The following HOXA1 variants were observed in gnomAD, a reference collection of about 807,000 sequenced individuals.
HOXA1 encodes the protein homeobox protein Hox-A1.
HOXA1 carries 21 observed loss-of-function variants against 28.3 expected under a neutral mutation model. The observed-to-expected ratio is 0.74, with a 90% CI of 0.53 to 1.07. HOXA1 has a LOEUF of 1.07. HOXA1 is among the 50% of genes least tolerant of loss of function. The pLI, the probability that HOXA1 is intolerant of heterozygous loss-of-function variation, is 0.00. For synonymous variants in HOXA1, 208 were observed against 181.2 expected (o/e 1.15, Z -1.19); for missense variants, 446 against 434.3 (o/e 1.03, Z -0.24).
In HOXA1 at chr7:27,094,257, C is replaced by G. The variant is rs186304469; in HGVS notation, c.*183G>C. The G allele has an allele frequency of 4.1e-4, 250 of 604,150 alleles. 2 individuals carry two copies. The African/African-American group carries it at 4.2e-3, about 10-fold the overall frequency. 37.4% of individuals were successfully genotyped at this position (604,150 alleles called of 1,614,324 possible). The stretch of plus-strand genomic sequence containing the variant: ...CCAATCTGGATGAAGGTGTTAACCC[C>G]GCACCAAGTCTCTGGTCCAGAATTA... On this transcript the variant is annotated 3_prime_UTR_variant, in exon 2 of 2. Coordinates refer to ENST00000643460, the MANE Select transcript of HOXA1 (RefSeq NM_005522.5).
rs760937523 is a variant in HOXA1 at position 27,094,689 on chromosome 7, G to A, written c.759C>T (p.Tyr253=). 6 of 1,614,152 alleles carry A rather than the reference G, an allele frequency of 3.7e-6. No homozygotes were observed. Among genetic ancestry groups the A allele is most frequent in the Middle Eastern group, 1.7e-4 (1 of 6,058 alleles). Residue 253 remains tyrosine, a synonymous_variant, in exon 2 of 2, where the codon TAC becomes TAT. Coordinates refer to ENST00000643460, the MANE Select transcript of HOXA1 (RefSeq NM_005522.5). ...ELEKEFHFNK[Y]LTRARRVEIA... is the part of the protein sequence containing the mutation. ...TCTCCACCCTGCGGGCGCGCGTCAGGTACTTGTTGAAGTGGAACTCCTTCT... is the reference window on the plus strand; with the variant it reads ...TCTCCACCCTGCGGGCGCGCGTCAGATACTTGTTGAAGTGGAACTCCTTCT...
At position 27,094,716 on chromosome 7, in the gene HOXA1, C is replaced by G; in HGVS notation, c.732G>C (p.Leu244=). ...TNFTTKQLTE[L]EKEFHFNKYL... is the part of the protein sequence containing the mutation. ...ACTTGTTGAAGTGGAACTCCTTCTC[C>G]AGTTCCGTGAGCTGCTTGGTAGTGA... The change falls in exon 2 of 2, where the codon CTG becomes CTC. Residue 244 remains leucine, a synonymous_variant. Coordinates refer to ENST00000643460, the MANE Select transcript of HOXA1 (RefSeq NM_005522.5). 1 of 1,614,196 alleles carries G rather than the reference C, an allele frequency of 6.2e-7. No individual in the cohort carries two copies. Among genetic ancestry groups the G allele is most frequent in the Non-Finnish European group, 8.5e-7 (1 of 1,180,040 alleles).
Position 27,095,601 on chromosome 7 carries a change from G to T in HOXA1, c.312C>A (p.Phe104Leu), listed in dbSNP as rs1188673494. The T allele has an allele frequency of 5.6e-6, 9 of 1,614,052 alleles. No homozygotes were observed. The highest frequency in any genetic ancestry group is 1.1e-5 in the South Asian group (1 of 91,086). ...ACGCGTAGGGGCTGTAAGGCGCACT[G>T]AAGTTCTGTGAGCCATAGCTTGGAC... The part of the protein sequence containing the change: ...SCGPSYGSQN[F>L]SAPYSPYALN... The change falls in exon 1 of 2, where the codon TTC becomes TTA. Residue 104 changes from phenylalanine to leucine, a missense_variant. Transcript: ENST00000643460.
At position 27,095,673 on chromosome 7, in the gene HOXA1, G is replaced by A; in HGVS notation, c.240C>T (p.Tyr80=). The change falls in exon 1 of 2, where the codon TAC becomes TAT. Residue 80 remains tyrosine (Y), a synonymous_variant. Coordinates refer to ENST00000643460, the MANE Select transcript of HOXA1 (RefSeq NM_005522.5). ...HHHRHPQPAT[Y]QTSGNLGVSY... ...ACACCCCCAGGTTCCCGGAAGTCTG[G>A]TAGGTAGCCGGCTGGGGGTGGCGAT... 6.2e-7 allele frequency: 1 copy of A among 1,614,028 alleles called. No homozygotes were observed.
chr7:27,094,671 C>T lies in HOXA1; in HGVS notation c.777G>A (p.Arg259=), dbSNP rs183033372. 45 of 1,614,152 alleles carry T rather than the reference C, an allele frequency of 2.8e-5. No homozygotes were observed. The highest frequency in any genetic ancestry group is 3.4e-5 in the Non-Finnish European group (40 of 1,180,042). ...GCTGCAGGGATGCAGCGATCTCCACCCTGCGGGCGCGCGTCAGGTACTTGT... is the reference window on the plus strand; with the variant it reads ...GCTGCAGGGATGCAGCGATCTCCACTCTGCGGGCGCGCGTCAGGTACTTGT... ...HFNKYLTRAR[R]VEIAASLQLN... The change falls in exon 2 of 2, where the codon AGG becomes AGA. Residue 259 remains arginine, a synonymous_variant. Transcript: ENST00000643460.
At chr7:27,094,873 G>A in intron 1 of HOXA1, 78 bp from the exon 2 acceptor site, 1 of 1,044,696 alleles carries the variant, frequency 9.6e-7, no homozygotes, top group East Asian at 2.4e-5. Context: ...ACGCTTCATG[G>A]CAACACTCAG....
At position 27,095,759 on chromosome 7, in the gene HOXA1, G is replaced by T. The variant is rs1783810919; in HGVS notation, c.154C>A (p.Arg52Ser). 3 of 1,613,054 alleles carry T rather than the reference G, an allele frequency of 1.9e-6. No homozygotes were observed. The highest frequency in any genetic ancestry group is 8.5e-7 in the Non-Finnish European group (1 of 1,179,430). ...VSANSCGGDDRFLVGRGVQIG... is the reference protein window; with the variant it reads ...VSANSCGGDDSFLVGRGVQIG... ...TGCACCCCCCTGCCCACTAGGAAGC[G>T]GTCGTCGCCGCCGCAACTGTTGGCG... is the stretch of plus-strand genomic sequence containing the variant. Residue 52 changes from arginine to serine, a missense_variant, in exon 1 of 2, where the codon CGC becomes AGC. Arg to Ser is a moderately radical substitution (Grantham distance 110). Transcript: ENST00000643460.
chr7:27,093,791 T>C lies in HOXA1; in HGVS notation c.*649A>G, dbSNP rs370119189. 2 of 152,910 alleles carry C rather than the reference T, an allele frequency of 1.3e-5. No individual in the cohort carries two copies. Among genetic ancestry groups the C allele is most frequent in the South Asian group, 2.1e-4 (1 of 4,838 alleles). 9.5% of individuals were successfully genotyped at this position (152,910 alleles called of 1,614,324 possible). On this transcript the variant is annotated 3_prime_UTR_variant, in exon 2 of 2. Coordinates refer to ENST00000643460, the MANE Select transcript of HOXA1 (RefSeq NM_005522.5). Reference sequence around the variant, plus strand: ...CAAGGCTACCCTCTGAGGCATCTGATTGGGTTTAAATGAGGGAATTTTTTC... The same window carrying C: ...CAAGGCTACCCTCTGAGGCATCTGACTGGGTTTAAATGAGGGAATTTTTTC...
In HOXA1 at chr7:27,095,347, T is replaced by G. The variant is rs17500494; in HGVS notation, c.566A>C (p.Glu189Ala). 971 of 1,613,906 alleles carry G rather than the reference T, an allele frequency of 6.0e-4. 8 individuals are homozygous for G. In the African/African-American group the frequency reaches 0.011, roughly 17 times the overall value. ...SLSPLHASHQ[E>A]ACRSPASETS... ...CTCCGATGCGGGGGAGCGACAGGCT[T>G]CTTGGTGGCTGGCGTGGAGAGGGGA... The change falls in exon 1 of 2, where the codon GAA becomes GCA. Residue 189 changes from glutamate to alanine, a missense_variant. Coordinates refer to ENST00000643460, the MANE Select transcript of HOXA1 (RefSeq NM_005522.5).
chr7:27,095,245 A>C lies in HOXA1; in HGVS notation c.652+16T>G. The C allele has an allele frequency of 4.3e-6, 7 of 1,613,656 alleles. No homozygotes were observed. The highest frequency in any genetic ancestry group is 5.9e-6 in the Non-Finnish European group (7 of 1,179,674). On this transcript the variant is annotated intron_variant, in intron 1 of 1. Coordinates refer to ENST00000643460, the MANE Select transcript of HOXA1 (RefSeq NM_005522.5). ...CCAGAATAATCAAGGAGCATCCACC[A>C]ACCAGCAGGACTGACCTGTTTTGGG...
At position 27,094,673 on chromosome 7, in the gene HOXA1, T is replaced by C; in HGVS notation, c.775A>G (p.Arg259Gly). 1.2e-6 allele frequency: 2 copies of C among 1,614,176 alleles called. No homozygotes were observed. Among genetic ancestry groups the C allele is most frequent in the East Asian group, 2.2e-5 (1 of 44,864 alleles). Residue 259 changes from arginine (R) to glycine (G), a missense_variant, in exon 2 of 2, where the codon AGG becomes GGG. By Grantham distance (125) the Arg-to-Gly change is moderately radical. Transcript: ENST00000643460. Reference sequence around the variant, plus strand: ...TGCAGGGATGCAGCGATCTCCACCCTGCGGGCGCGCGTCAGGTACTTGTTG... The same window carrying C: ...TGCAGGGATGCAGCGATCTCCACCCCGCGGGCGCGCGTCAGGTACTTGTTG... ...HFNKYLTRAR[R>G]VEIAASLQLN... is the part of the protein sequence containing the mutation.
chr7:27,093,137 T>C lies in HOXA1; in HGVS notation c.*1303A>G, dbSNP rs1783743301. ...ATTTCTTCATCAGTCTTTTTTTCCA[T>C]TATGAGCTTTGATTATAATAAAGGA... On this transcript the variant is annotated 3_prime_UTR_variant, in exon 2 of 2. Coordinates refer to ENST00000643460, the MANE Select transcript of HOXA1 (RefSeq NM_005522.5). The C allele has an allele frequency of 6.5e-6, 1 of 152,674 alleles. No homozygotes were observed. The highest frequency in any genetic ancestry group is 6.5e-5 in the Admixed American group (1 of 15,286). 9.5% of individuals were successfully genotyped at this position (152,674 alleles called of 1,614,324 possible).
chr7:27,094,621 C>T lies in HOXA1; in HGVS notation c.827G>A (p.Trp276Ter). ...LQLNETQVKI[W>*]FQNRRMKQKK... The stretch of plus-strand genomic sequence containing the variant: ...TTGCTTCATTCGGCGGTTCTGGAAC[C>T]AGATCTTCACTTGGGTCTCGTTGAG... The change falls in exon 2 of 2, where the codon TGG (tryptophan) becomes TAG (stop). Residue 276 changes from tryptophan (W) to a stop codon, truncating the protein, a stop_gained. Transcript: ENST00000643460. LOFTEE classifies it high-confidence loss of function. 1 of 1,614,148 alleles carries T rather than the reference C, an allele frequency of 6.2e-7. No homozygotes were observed. The highest frequency in any genetic ancestry group is 8.5e-7 in the Non-Finnish European group (1 of 1,180,032).
Position 27,095,583 on chromosome 7 carries a change from G to A in HOXA1, c.330C>T (p.Pro110=). ...GSQNFSAPYS[P]YALNQEADVS... ...CGTCTGCTTCCTGATTTAACGCGTA[G>A]GGGCTGTAAGGCGCACTGAAGTTCT... is the stretch of plus-strand genomic sequence containing the variant. The change falls in exon 1 of 2, where the codon CCC becomes CCT. Residue 110 remains proline, a synonymous_variant. Transcript: ENST00000643460. 2 of 1,614,176 alleles carry A rather than the reference G, an allele frequency of 1.2e-6. No homozygotes were observed. Among genetic ancestry groups the A allele is most frequent in the Non-Finnish European group, 1.7e-6 (2 of 1,180,034 alleles).
Position 27,094,456 on chromosome 7 carries a change from AGAGTGT to A in HOXA1, c.986_991del (p.Asp329_Leu331delinsVal), listed in dbSNP as rs1181655115. Reference sequence around the variant, plus strand: ...GGAGCCGCCTCAGTGGGAGGTAGTCAGAGTGTCTGAGGTAGAAGACCCCGGGGAAGG... The same window carrying A: ...GGAGCCGCCTCAGTGGGAGGTAGTCACTGAGGTAGAAGACCCCGGGGAAGG... On this transcript the variant is annotated inframe_deletion, in exon 2 of 2. Transcript: ENST00000643460. 6.2e-7 allele frequency: 1 copy of A among 1,613,532 alleles called. No individual in the cohort carries two copies. Among genetic ancestry groups the A allele is most frequent in the Non-Finnish European group, 8.5e-7 (1 of 1,179,460 alleles).
rs774858049 is a variant in HOXA1, at chr7:27,095,689, GGGTGGCGATGGTGGTGGT to G, written c.206_223del (p.His69_His74del). ...GGAAGTCTGGTAGGTAGCCGGCTGG[GGGTGGCGATGGTGGTGGT>G]GGTGGTGGTGGTGGGGCGAACCGAT... On this transcript the variant is annotated inframe_deletion, in exon 1 of 2. Transcript: ENST00000643460. 1.9e-5 allele frequency: 30 copies of G among 1,612,900 alleles called. No homozygotes were observed. Among genetic ancestry groups the G allele is most frequent in the South Asian group, 7.7e-5 (7 of 90,932 alleles).
intron 1 of HOXA1, 97 bp from the exon 2 acceptor site, chr7:27,094,892 A>T: frequency 1.1e-6 from 1 of 931,806 alleles, no homozygotes; most frequent in African/African-American, 1.6e-5. Context: ...AGGTAAAGAA[A>T]AGATCAAGAA....
rs142020905 is a variant in HOXA1 at position 27,095,151 on chromosome 7, C to T, written c.652+110G>A. On this transcript the variant is annotated intron_variant, in intron 1 of 1. Coordinates refer to ENST00000643460, the MANE Select transcript of HOXA1 (RefSeq NM_005522.5). ...CCTCTCCATGCACTACAACACTAGT[C>T]TGATACAAAAGCCTTTTAAAAAAAA... 30 of 1,227,458 alleles carry T rather than the reference C, an allele frequency of 2.4e-5. No individual in the cohort carries two copies. The African/African-American group carries it at 3.6e-4, about 15-fold the overall frequency. The allele number at this position is 1,227,458 out of a possible 1,614,324, so 76.0% of individuals were successfully genotyped here. A position where few individuals can be genotyped will look rare whatever the true frequency, so the allele number is the denominator to read the frequency against.
In HOXA1 at chr7:27,093,312, C is replaced by T. The variant is rs1274470345; in HGVS notation, c.*1128G>A. 1 of 152,558 alleles carries T rather than the reference C, an allele frequency of 6.6e-6. No homozygotes were observed. The highest frequency in any genetic ancestry group is 1.9e-4 in the East Asian group (1 of 5,190). 9.5% of individuals were successfully genotyped at this position (152,558 alleles called of 1,614,324 possible). ...CACGGATGCTTAAGCATACCTGAAA[C>T]TTGAGTATATTTATTTATTACAGAC... On this transcript the variant is annotated 3_prime_UTR_variant, in exon 2 of 2. Transcript: ENST00000643460.
Sources: gnomAD v4.1 joint callset for allele counts on GRCh38, gnomAD v4.1.1 for gene constraint, MANE v1.5 for transcripts, NCBI Gene and HGNC (gene_info 2026-07-23, HGNC 2026-07-21) for gene names.